KIAA1328: variants seen among roughly 807,000 people sequenced by gnomAD.
KIAA1328 encodes KIAA1328.
A neutral mutation model predicts 68.1 loss-of-function variants in KIAA1328; 52 were observed. The ratio of observed to expected loss-of-function variants is 0.76; its 90% CI spans 0.61 to 0.96. The LOEUF is 0.96. Among genes scored for constraint, KIAA1328 ranks in the 40% least tolerant of loss-of-function variants. KIAA1328 has a pLI of 0.00. For missense variants in KIAA1328, 641 were observed against 677.6 expected (o/e 0.95, Z 0.60); for synonymous variants, 232 against 239.4 (o/e 0.97, Z 0.28).
intron 6 of KIAA1328, among the ~76,000 whole-genome samples, chr18:37,020,138 T>C (rs2054291590): frequency 6.6e-6 from 1 of 152,180 alleles, no homozygotes; most frequent in African/African-American, 2.4e-5. Context: ...TTTTTCTTTT[T>C]TTGGAGACAG....
chr18:36,926,321 T>C (rs1300094326), intron 5 of KIAA1328, among the ~76,000 whole-genome samples: 2 of 152,162 alleles, frequency 1.3e-5, no homozygotes, highest in African/African-American at 4.8e-5. Flanking sequence ...GTGTTATTAA[T>C]GGGAAAGAGG....
chr18:37,098,568 C>G, intron 7 of KIAA1328, among the ~76,000 whole-genome samples: 1 of 151,992 alleles, frequency 6.6e-6, no homozygotes, highest in East Asian at 1.9e-4. Flanking sequence ...GGCTTTGGTA[C>G]CAGGATGATC....
chr18:36,887,432 G>A (rs1166757616), intron 5 of KIAA1328, among the ~76,000 whole-genome samples: 1 of 151,994 alleles, frequency 6.6e-6, no homozygotes, highest in African/African-American at 2.4e-5. Context: ...AACATTTTCA[G>A]TGCTGGCAGC....
chr18:36,844,389 TTAA>T (rs1474356946), intron 4 of KIAA1328, 87 bp downstream of exon 4: 1 of 780,424 alleles, frequency 1.3e-6, no homozygotes, highest in African/African-American at 1.8e-5. Context: ...TTTTGATGAC[TTAA>T]TATCTTTGAT....
intron 4 of KIAA1328, among the ~76,000 whole-genome samples, chr18:36,883,969 T>TATATATATATATATATATAC (rs1032694969): frequency 6.0e-4 from 90 of 148,794 alleles, no homozygotes; most frequent in African/African-American, 2.1e-3. Context: ...TATATATATA[T>TATATATATATATATATATAC]ACACACACAG....
intron 9 of KIAA1328, chr18:37,193,766 G>A (rs2059951739): frequency 3.3e-6 from 2 of 605,530 alleles, no homozygotes; most frequent in Admixed American, 2.9e-5. Flanking sequence ...GAAAATTTTT[G>A]CCTTATTTTA....
At chr18:36,879,044 G>A (rs9748404) in intron 4 of KIAA1328, among the ~76,000 whole-genome samples, 2 of 152,224 alleles carry the variant, frequency 1.3e-5, no homozygotes, top group South Asian at 2.1e-4. Flanking sequence ...TTCTTTGTCC[G>A]GTTTTGTTGC....
intron 6 of KIAA1328, among the ~76,000 whole-genome samples, chr18:37,039,439 A>C (rs1224495719): frequency 6.6e-6 from 1 of 150,876 alleles, no homozygotes; most frequent in Non-Finnish European, 1.5e-5. Flanking sequence ...TTTGAGGCGG[A>C]ATCTCGCTCT....
chr18:37,179,258 T>C (rs1456894961), intron 9 of KIAA1328, among the ~76,000 whole-genome samples: 2 of 152,198 alleles, frequency 1.3e-5, no homozygotes, highest in African/African-American at 2.4e-5. Context: ...TGATGAGAGA[T>C]AGGGAGTCTA....
At chr18:36,950,765 C>T (rs935993082) in intron 5 of KIAA1328, among the ~76,000 whole-genome samples, 14 of 152,078 alleles carry the variant, frequency 9.2e-5, no homozygotes, top group Non-Finnish European at 1.6e-4. Flanking sequence ...TTCAGTATTT[C>T]CCCCAAAGTC....
At chr18:36,901,209 C>A (rs2049026193) in intron 5 of KIAA1328, among the ~76,000 whole-genome samples, 1 of 151,884 alleles carries the variant, frequency 6.6e-6, no homozygotes, top group Non-Finnish European at 1.5e-5. Context: ...AGTCACTTAA[C>A]CCTGATTGTA....
intron 6 of KIAA1328, among the ~76,000 whole-genome samples, chr18:37,052,742 A>T (rs1344971517): frequency 6.6e-6 from 1 of 152,190 alleles, no homozygotes; most frequent in African/African-American, 2.4e-5. Context: ...AATGCCATTT[A>T]CAATAGCCAC....
chr18:36,875,115 G>T (rs912049720), intron 4 of KIAA1328, among the ~76,000 whole-genome samples: 6 of 152,120 alleles, frequency 3.9e-5, no homozygotes, highest in African/African-American at 1.4e-4. Flanking sequence ...GATGCCTTCA[G>T]CTTTGTTCTT....
At chr18:37,076,282 T>C (rs1213496486) in intron 7 of KIAA1328, among the ~76,000 whole-genome samples, 5 of 151,820 alleles carry the variant, frequency 3.3e-5, no homozygotes, top group Admixed American at 2.0e-4. Flanking sequence ...TCTTTGAAAC[T>C]AATGAGAACA....
intron 6 of KIAA1328, among the ~76,000 whole-genome samples, chr18:36,961,068 A>C (rs1465962395): frequency 6.6e-6 from 1 of 152,200 alleles, no homozygotes; most frequent in Non-Finnish European, 1.5e-5. Context: ...AAAAACCTTG[A>C]AAAAAGTTAG....
chr18:36,950,859 T>C (rs995890524), intron 5 of KIAA1328, among the ~76,000 whole-genome samples: 2 of 152,148 alleles, frequency 1.3e-5, no homozygotes, highest in South Asian at 2.1e-4. Context: ...ATAAAACATC[T>C]CTCTTTTGTA....
At chr18:37,047,456 A>T (rs1226585595) in intron 6 of KIAA1328, among the ~76,000 whole-genome samples, 1 of 152,038 alleles carries the variant, frequency 6.6e-6, no homozygotes, top group African/African-American at 2.4e-5. Context: ...CTCCTTCCTA[A>T]AATTTTGGCT....
chr18:37,034,163 T>C (rs1217673269), intron 6 of KIAA1328, among the ~76,000 whole-genome samples: 1 of 152,174 alleles, frequency 6.6e-6, no homozygotes, highest in Non-Finnish European at 1.5e-5. Context: ...GAGGAAAGTG[T>C]ATCATGGGCA....
intron 6 of KIAA1328, among the ~76,000 whole-genome samples, chr18:37,066,355 G>A (rs1330326484): frequency 6.6e-6 from 1 of 152,138 alleles, no homozygotes; most frequent in Admixed American, 6.5e-5. Context: ...ATCCTATTTT[G>A]TTGAAAGTGG....
Sources: gnomAD v4.1 joint callset for allele counts (sites outside exome capture counted in the v4.1 genomes callset) on GRCh38, gnomAD v4.1.1 for gene constraint, MANE v1.5 for transcripts, NCBI Gene and HGNC (gene_info 2026-07-23, HGNC 2026-07-21) for gene names.